Variants in CSMD1 observed in about 807,000 individuals in gnomAD.
The protein encoded by CSMD1 is CUB and Sushi multiple domains 1, also known as CUB and sushi domain-containing protein 1.
Under a neutral mutation model 417.5 loss-of-function variants are expected in CSMD1, and 213 were observed. The observed-to-expected ratio is 0.51, with a 90% confidence interval of 0.46 to 0.57. The LOEUF (loss-of-function observed/expected upper bound fraction) is 0.57. Ranked by LOEUF, CSMD1 falls within the 20% of genes least tolerant of loss-of-function variation. The probability of loss-of-function intolerance (pLI) is 0.00; values close to 1 mark genes in which losing one functional copy is unlikely to be tolerated. For synonymous variants in CSMD1, 2,862 were observed against 1,736.8 expected, an observed-to-expected ratio of 1.65 and a Z score of -16.11; for missense variants, 6,923 against 4,529.7, an observed-to-expected ratio of 1.53 and a Z score of -15.17.
At chr8:4,563,473 C>T (rs760041138) in intron 2 of CSMD1, among the ~76,000 whole-genome samples, 1 of 152,152 alleles carries the variant, frequency 6.6e-6, no homozygotes, top group Non-Finnish European at 1.5e-5. Context: ...TGCCAAGGCA[C>T]AGGCTCTCCC....
chr8:3,279,964 C>A (rs1183907039), intron 26 of CSMD1, among the ~76,000 whole-genome samples: 1 of 152,154 alleles, frequency 6.6e-6, no homozygotes, highest in Non-Finnish European at 1.5e-5. Context: ...TAGAACCTAA[C>A]CGTATCAGGA....
At chr8:4,719,795 T>C (rs1368894129) in intron 1 of CSMD1, among the ~76,000 whole-genome samples, 5 of 152,182 alleles carry the variant, frequency 3.3e-5, no homozygotes. Flanking sequence ...CTTTGAGAGC[T>C]TGAACTATTG....
chr8:4,270,109 C>T (rs879815438), intron 3 of CSMD1, among the ~76,000 whole-genome samples: 1 of 152,180 alleles, frequency 6.6e-6, no homozygotes, highest in Non-Finnish European at 1.5e-5. Flanking sequence ...TCAGCAATCT[C>T]TTTCTGAGAC....
At chr8:3,737,049 G>A (rs1174013033) in intron 6 of CSMD1, among the ~76,000 whole-genome samples, 2 of 152,170 alleles carry the variant, frequency 1.3e-5, no homozygotes, top group Non-Finnish European at 2.9e-5. Context: ...ATTATAAAGT[G>A]CTTTAAGCGG....
intron 21 of CSMD1, among the ~76,000 whole-genome samples, chr8:3,352,729 A>T (rs1174034926): frequency 6.6e-6 from 1 of 152,158 alleles, no homozygotes; most frequent in East Asian, 1.9e-4. Context: ...TGTCCCACCT[A>T]ATTGGGAGGC....
chr8:3,906,239 G>C (rs1001953162), intron 5 of CSMD1, among the ~76,000 whole-genome samples: 3 of 152,054 alleles, frequency 2.0e-5, no homozygotes, highest in Admixed American at 2.0e-4. Flanking sequence ...AAATGCCATA[G>C]CATTGCATTA....
chr8:3,809,103 C>G lies in CSMD1; in HGVS notation c.819-55061G>C, dbSNP rs78627964. On this transcript the variant is annotated intron_variant, in intron 5 of 69. Coordinates refer to ENST00000635120, the MANE Select transcript of CSMD1 (RefSeq NM_033225.6). The stretch of plus-strand genomic sequence containing the variant: ...TCTATCATATATGACAACCTGCCAC[C>G]GGGCACATGCTCTGCCCTCTATTGG... Among the ~76,000 whole-genome samples, 151 of 152,250 alleles carry G rather than the reference C, an allele frequency of 9.9e-4. 1 individual carries two copies. The highest frequency in any genetic ancestry group is 3.5e-3 in the African/African-American group (144 of 41,540).
chr8:4,230,888 C>G (rs189557558), intron 3 of CSMD1, among the ~76,000 whole-genome samples: 5 of 152,048 alleles, frequency 3.3e-5, no homozygotes, highest in Non-Finnish European at 5.9e-5. Context: ...ACTTGAGTCA[C>G]CACCAAATTC....
intron 7 of CSMD1, chr8:3,702,423 C>T (rs62474753): frequency 0.95 from 145,133 of 152,328 alleles, 69,198 homozygotes; most frequent in East Asian, 1. Context: ...GAAGGGCATC[C>T]ACAGATTATC....
chr8:4,630,436 G>A (rs914797893), intron 2 of CSMD1, among the ~76,000 whole-genome samples: 1 of 151,848 alleles, frequency 6.6e-6, no homozygotes, highest in African/African-American at 2.4e-5. Context: ...CTTCTCTCTA[G>A]ACAACTGCAA....
chr8:3,622,064 C>G (rs17066612), intron 7 of CSMD1, among the ~76,000 whole-genome samples: 9,420 of 151,800 alleles, frequency 0.062, 518 homozygotes, highest in East Asian at 0.29. Context: ...TACTACTTTT[C>G]TCTTCAAGCC....
intron 3 of CSMD1, among the ~76,000 whole-genome samples, chr8:4,248,141 T>C (rs1390359968): frequency 1.3e-5 from 2 of 152,166 alleles, no homozygotes; most frequent in Non-Finnish European, 2.9e-5. Flanking sequence ...TGGGCTATTT[T>C]GTAATTAGAA....
chr8:4,422,006 G>C (rs989018121), intron 2 of CSMD1, among the ~76,000 whole-genome samples: 5 of 151,916 alleles, frequency 3.3e-5, no homozygotes, highest in African/African-American at 1.2e-4. Context: ...GATAATAAAA[G>C]TTACTACAGA....
At chr8:4,408,602 A>T (rs548032595) in intron 3 of CSMD1, among the ~76,000 whole-genome samples, 17 of 152,336 alleles carry the variant, frequency 1.1e-4, no homozygotes, top group Non-Finnish European at 2.2e-4. Flanking sequence ...AGCAATTAAG[A>T]AATGTCTGAT....
At chr8:4,778,528 C>A (rs927114666) in intron 1 of CSMD1, among the ~76,000 whole-genome samples, 1 of 152,160 alleles carries the variant, frequency 6.6e-6, no homozygotes, top group African/African-American at 2.4e-5. Context: ...AAGCATACAG[C>A]AAATCATAAC....
At chr8:3,025,303 G>C (rs949841660) in intron 51 of CSMD1, among the ~76,000 whole-genome samples, 1 of 151,386 alleles carries the variant, frequency 6.6e-6, no homozygotes, top group Non-Finnish European at 1.5e-5. Flanking sequence ...ACTGTGTATT[G>C]TCTGGTGTTA....
At chr8:4,299,922 C>A (rs535770099) in intron 3 of CSMD1, among the ~76,000 whole-genome samples, 52 of 152,288 alleles carry the variant, frequency 3.4e-4, no homozygotes, top group Non-Finnish European at 6.2e-4. Context: ...AGCCACTGCG[C>A]CCGGCCCAGA....
At chr8:3,662,017 G>A (rs961532898) in intron 7 of CSMD1, among the ~76,000 whole-genome samples, 1 of 152,258 alleles carries the variant, frequency 6.6e-6, no homozygotes, top group East Asian at 1.9e-4. Flanking sequence ...GGAAGAAGCG[G>A]GGGATTTTTA....
chr8:4,683,807 G>A lies in CSMD1; in HGVS notation c.86-46249C>T, dbSNP rs563106924. On this transcript the variant is annotated intron_variant, in intron 1 of 69. Transcript: ENST00000635120. Reference sequence around the variant, plus strand: ...GGCACTAAGGCTACAAGAAAAAATGGCAGTAAAAATAAGAACAAGTAGACA... The same window carrying A: ...GGCACTAAGGCTACAAGAAAAAATGACAGTAAAAATAAGAACAAGTAGACA... Among the ~76,000 whole-genome samples the A allele has an allele frequency of 5.9e-5, 9 of 151,726 alleles. No homozygotes were observed. In the South Asian group the frequency reaches 1.9e-3, roughly 31 times the overall value.
Sources: gnomAD v4.1 joint callset for allele counts (sites outside exome capture counted in the v4.1 genomes callset) on GRCh38, gnomAD v4.1.1 for gene constraint, MANE v1.5 for transcripts, NCBI Gene and HGNC (gene_info 2026-07-23, HGNC 2026-07-21) for gene names.